Variants in IK observed in about 807,000 individuals in gnomAD.
IK encodes the protein IK cytokine, also known as protein Red.
Under a neutral mutation model 90.9 loss-of-function variants are expected in IK, and 47 were observed. The ratio of observed to expected loss-of-function variants is 0.52; its 90% CI spans 0.41 to 0.66. IK has a LOEUF of 0.66. Among genes scored for constraint, IK ranks in the 30% least tolerant of loss-of-function variants. The pLI is 0.00. For synonymous variants in IK, 201 were observed against 227.5 expected, an observed-to-expected ratio of 0.88 and a Z score of 1.05; for missense variants, 385 against 709.3, an observed-to-expected ratio of 0.54 and a Z score of 5.19.
At chr5:140,648,188 CTG>C (rs1757526879) in intron 1 of IK, 1 of 704,670 alleles carries the variant, frequency 1.4e-6, no homozygotes, top group Admixed American at 2.0e-5. Flanking sequence ...TCCCCCAGTC[CTG>C]TCCCCATACT....
At chr5:140,653,280 G>T in intron 5 of IK, 136 bp downstream of exon 5, 1 of 645,034 alleles carries the variant, frequency 1.6e-6, no homozygotes, top group East Asian at 3.0e-5. Flanking sequence ...CCCACAAAGG[G>T]CTGTTCTTTT....
In IK at chr5:140,660,100, T is replaced by C. The variant is rs1391365464; in HGVS notation, c.1275-15T>C. 3 of 1,610,872 alleles carry C rather than the reference T, an allele frequency of 1.9e-6. No homozygotes were observed. The highest frequency in any genetic ancestry group is 2.2e-5 in the South Asian group (2 of 90,914). On this transcript the variant is annotated splice_polypyrimidine_tract_variant and intron_variant, in intron 14 of 19. Transcript: ENST00000417647. ...AGGTAGAATCCTGTGTAGTGTTTTC[T>C]TTAACATAGCATATGCTGAAGAAGC...
chr5:140,654,776 C>A, intron 8 of IK, 49 bp downstream of exon 8: 1 of 1,215,180 alleles, frequency 8.2e-7, no homozygotes, highest in Non-Finnish European at 1.2e-6. Context: ...ATGAATTGTA[C>A]GGAATTTAAT....
Position 140,660,292 on chromosome 5 carries a change from C to CTTTTTT in IK, c.1355+114_1355+119dup, listed in dbSNP as rs200714869. 524 of 283,044 alleles carry CTTTTTT rather than the reference C, an allele frequency of 1.9e-3. 59 individuals are homozygous for CTTTTTT. In the African/African-American group the frequency reaches 0.02, roughly 11 times the overall value. 17.5% of individuals were successfully genotyped at this position (283,044 alleles called of 1,614,324 possible). On this transcript the variant is annotated intron_variant, in intron 15 of 19. Coordinates refer to ENST00000417647, the MANE Select transcript of IK (RefSeq NM_006083.4). ...GATTCGCTAAGTCCCAGGGCTACTT[C>CTTTTTT]TTTTTTTTTTTTTTTTTTTTTTGGA...
At chr5:140,653,607 CTTT>C (rs35324921) in intron 5 of IK, among the ~76,000 whole-genome samples, 1 of 128,438 alleles carries the variant, frequency 7.8e-6, no homozygotes. Context: ...CCCCCACCCC[CTTT>C]TTTTTTTTTT....
In IK at chr5:140,660,292, C is replaced by CTTTTTTTTT. The variant is rs200714869; in HGVS notation, c.1355+111_1355+119dup. 5.5e-3 allele frequency: 1,565 copies of CTTTTTTTTT among 282,786 alleles called. 143 individuals are homozygous for CTTTTTTTTT. Among genetic ancestry groups the CTTTTTTTTT allele is most frequent in the African/African-American group, 0.039 (763 of 19,422 alleles). The allele number at this position is 282,786 out of a possible 1,614,324, so 17.5% of individuals were successfully genotyped here. On this transcript the variant is annotated intron_variant, in intron 15 of 19. Transcript: ENST00000417647. ...GATTCGCTAAGTCCCAGGGCTACTT[C>CTTTTTTTTT]TTTTTTTTTTTTTTTTTTTTTTGGA...
At position 140,648,457 on chromosome 5, in the gene IK, A is replaced by C; in HGVS notation, c.17-14A>C. Reference sequence around the variant, plus strand: ...TAAGAGACTGATTAAATTAACGTCAATTTTTTTTGTCAGGTGAGCCGTTCT... The same window carrying C: ...TAAGAGACTGATTAAATTAACGTCACTTTTTTTTGTCAGGTGAGCCGTTCT... On this transcript the variant is annotated splice_polypyrimidine_tract_variant and intron_variant, in intron 1 of 19. Transcript: ENST00000417647. 1 of 1,611,988 alleles carries C rather than the reference A, an allele frequency of 6.2e-7. No individual in the cohort carries two copies. The highest frequency in any genetic ancestry group is 2.2e-5 in the East Asian group (1 of 44,844).
intron 2 of IK, 99 bp from the exon 3 acceptor site, chr5:140,651,615 T>C (rs1561973073): frequency 4.4e-6 from 3 of 678,608 alleles, no homozygotes; most frequent in South Asian, 1.8e-5. Context: ...TTTTAATTTG[T>C]ATTTCCCTGA....
At chr5:140,653,283 G>GTTA in intron 5 of IK, 139 bp downstream of exon 5, 1 of 483,826 alleles carries the variant, frequency 2.1e-6, no homozygotes, top group Non-Finnish European at 3.5e-6. Flanking sequence ...ACAAAGGGCT[G>GTTA]TTCTTTTTTT....
chr5:140,656,153 T>C (rs141422656), intron 9 of IK, among the ~76,000 whole-genome samples, 161 bp downstream of exon 9: 1 of 152,342 alleles, frequency 6.6e-6, no homozygotes, highest in African/African-American at 2.4e-5. Context: ...TTTTCACCAA[T>C]AACATTCCAG....
At chr5:140,652,273 G>C in intron 4 of IK, 126 bp downstream of exon 4, 1 of 719,786 alleles carries the variant, frequency 1.4e-6, no homozygotes, top group Non-Finnish European at 2.4e-6. Flanking sequence ...TAATGAAACA[G>C]AGTGATACTT....
At position 140,661,601 on chromosome 5, in the gene IK, C is replaced by G. The variant is rs776218106; in HGVS notation, c.1414-19C>G. ...TGACATCTCTTCCTTCCCCATCCCC[C>G]GATTCTGTCCTGCAACAGGGTAACA... On this transcript the variant is annotated intron_variant, in intron 16 of 19. Transcript: ENST00000417647. The surrounding 1 kb of genome is among the most constrained non-coding windows in gnomAD (Gnocchi z 4.2). 6.4e-6 allele frequency: 10 copies of G among 1,571,438 alleles called. No individual in the cohort carries two copies. The Admixed American group carries it at 1.8e-4, about 28-fold the overall frequency.
At chr5:140,653,882 C>G (rs115764650) in intron 5 of IK, 56 bp from the exon 6 acceptor site, 1 of 1,081,272 alleles carries the variant, frequency 9.2e-7, no homozygotes, top group African/African-American at 1.6e-5. Context: ...GGATTACAGG[C>G]GTGATCCACC....
At position 140,657,459 on chromosome 5, in the gene IK, T is replaced by C. The variant is rs1757730993; in HGVS notation, c.802-95T>C. The C allele has an allele frequency of 3.5e-6, 3 of 862,102 alleles. No homozygotes were observed. In the East Asian group the frequency reaches 7.5e-5, roughly 22 times the overall value. The allele number at this position is 862,102 out of a possible 1,614,324, so 53.4% of individuals were successfully genotyped here. ...CGTTTCCCTCCCTTCACCTACTGTATTGTAATTCAGTCTTTAGTTTGTTAA... is the reference window on the plus strand; with the variant it reads ...CGTTTCCCTCCCTTCACCTACTGTACTGTAATTCAGTCTTTAGTTTGTTAA... On this transcript the variant is annotated intron_variant, in intron 9 of 19. Coordinates refer to ENST00000417647, the MANE Select transcript of IK (RefSeq NM_006083.4).
At chr5:140,648,420 G>A in intron 1 of IK, 51 bp from the exon 2 acceptor site, 1 of 1,553,036 alleles carries the variant, frequency 6.4e-7, no homozygotes, top group South Asian at 1.1e-5. Flanking sequence ...TTTTTGCATA[G>A]GATCTGACAC....
At chr5:140,650,537 C>T (rs1757597965) in intron 2 of IK, among the ~76,000 whole-genome samples, 1 of 152,156 alleles carries the variant, frequency 6.6e-6, no homozygotes, top group Admixed American at 6.5e-5. Flanking sequence ...AGTCAGTCTC[C>T]AGCTAATAAA....
chr5:140,659,124 A>C lies in IK; in HGVS notation c.1136A>C (p.Lys379Thr). 1 of 1,601,110 alleles carries C rather than the reference A, an allele frequency of 6.2e-7. No homozygotes were observed. The highest frequency in any genetic ancestry group is 1.1e-5 in the South Asian group (1 of 89,844). The change falls in exon 12 of 20, where the codon AAG becomes ACG. Residue 379 changes from lysine to threonine, a missense_variant. Lys to Thr is a moderately conservative substitution (Grantham distance 78). Coordinates refer to ENST00000417647, the MANE Select transcript of IK (RefSeq NM_006083.4). Reference sequence around the variant, plus strand: ...GACCGAGAGAGAGAAGAGGAAAAGAAGAGACACAGCTACTTTGAGAAGCCA... The same window carrying C: ...GACCGAGAGAGAGAAGAGGAAAAGACGAGACACAGCTACTTTGAGAAGCCA... ...ERDREREEEK[K>T]RHSYFEKPKV... is the part of the protein sequence containing the mutation.
intron 4 of IK, 39 bp downstream of exon 4, chr5:140,652,186 T>C (rs1757626207): frequency 6.6e-7 from 1 of 1,508,734 alleles, no homozygotes; most frequent in African/African-American, 1.4e-5. Context: ...TTAAGGTGGA[T>C]AGTGTTTAGG....
chr5:140,662,290 C>T lies in IK; in HGVS notation c.1647-12C>T. 1.9e-6 allele frequency: 3 copies of T among 1,613,976 alleles called. No homozygotes were observed. Among genetic ancestry groups the T allele is most frequent in the Non-Finnish European group, 2.5e-6 (3 of 1,179,876 alleles). Reference sequence around the variant, plus strand: ...TTGATCTTATACTGACCCATTTCTCCTTCCATTGCAGGGTTGAAGTCAAAA... The same window carrying T: ...TTGATCTTATACTGACCCATTTCTCTTTCCATTGCAGGGTTGAAGTCAAAA... On this transcript the variant is annotated splice_polypyrimidine_tract_variant and intron_variant, in intron 19 of 19. Transcript: ENST00000417647.
Sources: allele counts gnomAD v4.1 joint callset (sites outside exome capture counted in the v4.1 genomes callset), GRCh38; gene constraint gnomAD v4.1.1; non-coding constraint Gnocchi (gnomAD v3.1); transcripts MANE v1.5; gene names NCBI Gene and HGNC (gene_info 2026-07-23, HGNC 2026-07-21).